DLGAP2: variants seen among roughly 807,000 people sequenced by gnomAD.
DLGAP2 encodes DLG associated protein 2.
In DLGAP2, 26 loss-of-function variants were observed where a neutral mutation model predicts 100.3. The ratio of observed to expected loss-of-function variants is 0.26; its 90% CI spans 0.19 to 0.36. DLGAP2 has a LOEUF of 0.36. DLGAP2 is among the 10% of genes least tolerant of loss of function. The pLI is 1.00. For synonymous variants in DLGAP2, 886 were observed against 630.1 expected (o/e 1.41, Z -6.08); for missense variants, 1,858 against 1,453.2 (o/e 1.28, Z -4.53).
At chr8:1,326,140 T>A (rs903873599) in intron 3 of DLGAP2, among the ~76,000 whole-genome samples, 2 of 152,222 alleles carry the variant, frequency 1.3e-5, no homozygotes, top group Admixed American at 6.5e-5. Context: ...TTTTGTTTGC[T>A]CCTTAATGCT....
At chr8:1,338,979 C>A (rs1801355631) in intron 3 of DLGAP2, among the ~76,000 whole-genome samples, 2 of 150,386 alleles carry the variant, frequency 1.3e-5, no homozygotes, top group Non-Finnish European at 3.0e-5. Flanking sequence ...GCAGTGACCT[C>A]AGTGAGGCGT....
intron 5 of DLGAP2, among the ~76,000 whole-genome samples, chr8:1,551,449 C>T (rs934723137): frequency 6.6e-6 from 1 of 152,158 alleles, no homozygotes; most frequent in East Asian, 1.9e-4. Flanking sequence ...CTGCCACTCT[C>T]CCCAAGCCCC....
intron 2 of DLGAP2, among the ~76,000 whole-genome samples, chr8:1,061,494 G>A (rs1458883389): frequency 1.3e-5 from 2 of 152,182 alleles, no homozygotes; most frequent in Admixed American, 6.5e-5. Context: ...GAAGGATCCC[G>A]TGACCCCTTC....
At chr8:1,231,741 G>C (rs1223594473) in intron 2 of DLGAP2, among the ~76,000 whole-genome samples, 1 of 152,112 alleles carries the variant, frequency 6.6e-6, no homozygotes, top group Non-Finnish European at 1.5e-5. Context: ...AAATCAAATA[G>C]TGAATGTTCT....
chr8:1,382,701 C>T (rs369645127), intron 3 of DLGAP2, among the ~76,000 whole-genome samples: 9 of 152,010 alleles, frequency 5.9e-5, no homozygotes, highest in South Asian at 4.2e-4. Flanking sequence ...ATGATCGTGC[C>T]GCTGCACTCC....
chr8:1,136,300 TA>T (rs5888821), intron 2 of DLGAP2, among the ~76,000 whole-genome samples: 2 of 150,974 alleles, frequency 1.3e-5, no homozygotes, highest in East Asian at 3.9e-4. Context: ...TCAAACCTCG[TA>T]AAAAAAAACT....
At chr8:937,323 A>T (rs1319054974) in intron 2 of DLGAP2, among the ~76,000 whole-genome samples, 2 of 152,168 alleles carry the variant, frequency 1.3e-5, no homozygotes, top group African/African-American at 4.8e-5. Context: ...TCAAAACAAG[A>T]GTGATGTTTT....
At chr8:1,599,388 C>G (rs942423883) in intron 6 of DLGAP2, among the ~76,000 whole-genome samples, 28 of 152,066 alleles carry the variant, frequency 1.8e-4, no homozygotes, top group Non-Finnish European at 8.8e-5. Context: ...TCTGCTTGGT[C>G]CAGAGCTGAA....
chr8:1,582,915 C>T (rs1444987189), intron 6 of DLGAP2, among the ~76,000 whole-genome samples: 3 of 152,132 alleles, frequency 2.0e-5, no homozygotes, highest in Non-Finnish European at 4.4e-5. Context: ...GAACTTAGAA[C>T]TGCAGTGAGA....
At chr8:1,244,143 C>A (rs894047241) in intron 2 of DLGAP2, among the ~76,000 whole-genome samples, 20 of 152,320 alleles carry the variant, frequency 1.3e-4, no homozygotes, top group Middle Eastern at 3.4e-3. Flanking sequence ...GGTGTGGGCT[C>A]CTGTACATGC....
intron 3 of DLGAP2, among the ~76,000 whole-genome samples, chr8:1,475,065 A>T (rs538832893): frequency 6.6e-6 from 1 of 152,322 alleles, no homozygotes; most frequent in South Asian, 2.1e-4. Flanking sequence ...GAAGAATGAG[A>T]TCATGTCCTC....
intron 2 of DLGAP2, among the ~76,000 whole-genome samples, chr8:1,006,425 T>C (rs1480155056): frequency 6.2e-5 from 9 of 146,218 alleles, no homozygotes; most frequent in Non-Finnish European, 9.0e-5. Flanking sequence ...TGTGGTCCTT[T>C]ATCACGTCGG....
chr8:1,494,090 A>G (rs1028221789), intron 3 of DLGAP2, among the ~76,000 whole-genome samples: 3 of 152,208 alleles, frequency 2.0e-5, no homozygotes, highest in African/African-American at 2.4e-5. Context: ...AACACTCTGC[A>G]GGGCAGGAAA....
At chr8:1,075,716 T>C (rs1803584313) in intron 2 of DLGAP2, among the ~76,000 whole-genome samples, 1 of 152,086 alleles carries the variant, frequency 6.6e-6, no homozygotes, top group African/African-American at 2.4e-5. Context: ...AGGTTGCATC[T>C]GACCCCAGGG....
chr8:1,321,414 TG>T (rs1800899159), intron 3 of DLGAP2, among the ~76,000 whole-genome samples: 1 of 152,104 alleles, frequency 6.6e-6, no homozygotes, highest in South Asian at 2.1e-4. Flanking sequence ...CATGCATCCA[TG>T]TGTCTGTGTG....
At chr8:1,501,556 A>G in intron 4 of DLGAP2, 125 bp downstream of exon 4, 1 of 970,950 alleles carries the variant, frequency 1.0e-6, no homozygotes, top group East Asian at 2.6e-5. Context: ...GGAGCTAAGA[A>G]GAACTAAGTA....
chr8:1,623,903 A>G (rs1347458380), intron 6 of DLGAP2, among the ~76,000 whole-genome samples: 1 of 152,212 alleles, frequency 6.6e-6, no homozygotes, highest in Admixed American at 6.5e-5. Flanking sequence ...CAGCGGCAAC[A>G]TTTATGTGTC....
intron 2 of DLGAP2, among the ~76,000 whole-genome samples, chr8:1,159,574 C>T (rs1270828415): frequency 2.1e-5 from 1 of 47,292 alleles, no homozygotes; most frequent in African/African-American, 9.1e-5. Context: ...AAGCAGCACA[C>T]TCTTCTGTGT....
intron 2 of DLGAP2, among the ~76,000 whole-genome samples, chr8:1,150,015 T>C (rs1456414511): frequency 2.0e-5 from 3 of 152,230 alleles, no homozygotes; most frequent in African/African-American, 4.8e-5. Context: ...ATCAGTGTTA[T>C]TGTTTTGTGT....
Sources: gnomAD v4.1 joint callset for allele counts (sites outside exome capture counted in the v4.1 genomes callset) on GRCh38, gnomAD v4.1.1 for gene constraint, MANE v1.5 for transcripts, NCBI Gene and HGNC (gene_info 2026-07-23, HGNC 2026-07-21) for gene names.